Variants in ESRRG observed in about 807,000 individuals in gnomAD.
ESRRG encodes the protein estrogen related receptor gamma.
In ESRRG, 13 loss-of-function variants were observed where a neutral mutation model predicts 44.0. The observed-to-expected ratio is 0.30, with a 90% CI of 0.19 to 0.47. ESRRG has a LOEUF of 0.47. Ranked by LOEUF, ESRRG falls within the 20% of genes least tolerant of loss-of-function variation. The pLI is 1.00. For synonymous variants in ESRRG, 215 were observed against 214.6 expected (o/e 1.00, Z -0.02); for missense variants, 395 against 580.6 (o/e 0.68, Z 3.29).
chr1:217,053,177 G>T (rs1399759836), intron 1 of ESRRG, among the ~76,000 whole-genome samples: 1 of 146,222 alleles, frequency 6.8e-6, no homozygotes, highest in African/African-American at 2.6e-5. Context: ...AGAAAAGGCT[G>T]GGCAGGGTGG....
intron 2 of ESRRG, among the ~76,000 whole-genome samples, chr1:216,786,657 C>G (rs942818123): frequency 6.6e-6 from 1 of 152,070 alleles, no homozygotes; most frequent in African/African-American, 2.4e-5. Flanking sequence ...ATCCATAAAG[C>G]AAATAACAGA....
chr1:217,028,846 C>T (rs2081593142), intron 1 of ESRRG, among the ~76,000 whole-genome samples: 1 of 152,148 alleles, frequency 6.6e-6, no homozygotes, highest in African/African-American at 2.4e-5. Context: ...GAAAAAGCCT[C>T]TTCCCAATTG....
chr1:216,938,906 C>G (rs1560186511), intron 2 of ESRRG, among the ~76,000 whole-genome samples: 1 of 152,166 alleles, frequency 6.6e-6, no homozygotes, highest in Non-Finnish European at 1.5e-5. Flanking sequence ...ACAACTACAA[C>G]AGAATTCATG....
intron 2 of ESRRG, among the ~76,000 whole-genome samples, chr1:216,826,814 A>C (rs1296835892): frequency 1.3e-5 from 2 of 152,218 alleles, no homozygotes; most frequent in Non-Finnish European, 2.9e-5. Context: ...TTCAGAAAGG[A>C]ATCTGAAATT....
chr1:216,868,463 A>G (rs1009172364), intron 2 of ESRRG, among the ~76,000 whole-genome samples: 1 of 152,056 alleles, frequency 6.6e-6, no homozygotes, highest in Non-Finnish European at 1.5e-5. Flanking sequence ...CTATCCATTC[A>G]CCCTTGAAGG....
intron 1 of ESRRG, among the ~76,000 whole-genome samples, chr1:217,009,702 C>CT (rs11325118): frequency 0.019 from 2,054 of 106,318 alleles, 18 homozygotes; most frequent in Non-Finnish European, 0.023. Flanking sequence ...TTTTCTTTTT[C>CT]TTTTTTTTTT....
At chr1:216,538,944 C>T (rs1256901496) in intron 5 of ESRRG, among the ~76,000 whole-genome samples, 1 of 151,972 alleles carries the variant, frequency 6.6e-6, no homozygotes, top group Non-Finnish European at 1.5e-5. Flanking sequence ...ACAAATTCCA[C>T]CATTATATTA....
At chr1:216,920,392 G>A (rs949287687) in intron 2 of ESRRG, among the ~76,000 whole-genome samples, 1 of 120,764 alleles carries the variant, frequency 8.3e-6, no homozygotes, top group African/African-American at 2.9e-5. Context: ...GAGTGTGTGT[G>A]TGTGTGTGTG....
chr1:216,740,669 T>A (rs898193779), intron 2 of ESRRG, among the ~76,000 whole-genome samples: 2 of 151,576 alleles, frequency 1.3e-5, no homozygotes, highest in Non-Finnish European at 2.9e-5. Context: ...AAGAAAGAAA[T>A]TGTAACCCTG....
At chr1:216,946,122 A>G (rs1263223573) in intron 1 of ESRRG, among the ~76,000 whole-genome samples, 1 of 152,202 alleles carries the variant, frequency 6.6e-6, no homozygotes, top group Non-Finnish European at 1.5e-5. Context: ...AAAAATAGCA[A>G]TTGACGTAAA....
intron 5 of ESRRG, among the ~76,000 whole-genome samples, chr1:216,529,939 C>T (rs2048792128): frequency 6.6e-6 from 1 of 151,514 alleles, no homozygotes; most frequent in South Asian, 2.1e-4. Context: ...TGGTGAAACC[C>T]CATCTCTACT....
At chr1:216,960,667 C>T (rs1025472292) in intron 1 of ESRRG, among the ~76,000 whole-genome samples, 4 of 151,998 alleles carry the variant, frequency 2.6e-5, no homozygotes, top group East Asian at 3.9e-4. Flanking sequence ...CTAGCTGCAG[C>T]CTTGAACTCT....
intron 2 of ESRRG, among the ~76,000 whole-genome samples, chr1:216,874,856 G>T (rs1441676640): frequency 3.3e-5 from 5 of 152,136 alleles, no homozygotes; most frequent in African/African-American, 4.8e-5. Flanking sequence ...GAGTCTTCTG[G>T]CCTTCATCTT....
intron 2 of ESRRG, among the ~76,000 whole-genome samples, chr1:216,779,656 C>T (rs1371849517): frequency 7.0e-6 from 1 of 142,740 alleles, no homozygotes; most frequent in African/African-American, 2.6e-5. Context: ...TACAGTCTTA[C>T]TTTTTGAGTT....
intron 1 of ESRRG, among the ~76,000 whole-genome samples, chr1:216,967,152 T>C (rs998586467): frequency 6.6e-6 from 1 of 151,484 alleles, no homozygotes; most frequent in African/African-American, 2.4e-5. Context: ...CTACCTACCC[T>C]CCACATACAC....
At chr1:216,923,899 C>T (rs1182393504) in intron 2 of ESRRG, among the ~76,000 whole-genome samples, 3 of 152,148 alleles carry the variant, frequency 2.0e-5, no homozygotes, top group African/African-American at 7.2e-5. Flanking sequence ...TACTGCACCA[C>T]CAGGCAGTGG....
At chr1:216,878,313 A>T (rs1369545015) in intron 2 of ESRRG, among the ~76,000 whole-genome samples, 1 of 152,122 alleles carries the variant, frequency 6.6e-6, no homozygotes, top group Non-Finnish European at 1.5e-5. Flanking sequence ...TTTATACACT[A>T]GATACTAATC....
At chr1:216,888,798 G>A (rs11117717) in intron 2 of ESRRG, among the ~76,000 whole-genome samples, 23,510 of 152,050 alleles carry the variant, frequency 0.15, 2,109 homozygotes, top group East Asian at 0.43. Flanking sequence ...AAGCGTTTAC[G>A]TTCTCAGGGC....
chr1:216,665,537 G>T (rs886190945), intron 2 of ESRRG, among the ~76,000 whole-genome samples: 2 of 152,106 alleles, frequency 1.3e-5, no homozygotes, highest in African/African-American at 4.8e-5. Flanking sequence ...GCAGGGACTG[G>T]GGGTAGGGAG....
Sources: allele counts gnomAD v4.1 joint callset (sites outside exome capture counted in the v4.1 genomes callset), GRCh38; gene constraint gnomAD v4.1.1; transcripts MANE v1.5; gene names NCBI Gene and HGNC (gene_info 2026-07-23, HGNC 2026-07-21).